Variants in CUEDC1 observed in about 807,000 individuals in gnomAD.
CUEDC1 encodes the protein CUE domain containing 1, also known as CUE domain-containing protein 1.
In CUEDC1, 30 loss-of-function variants were observed where a neutral mutation model predicts 43.7. The observed-to-expected ratio is 0.69, with a 90% confidence interval of 0.51 to 0.93. The LOEUF is 0.93. Ranked by LOEUF, CUEDC1 falls within the 40% of genes least tolerant of loss-of-function variation. The probability of loss-of-function intolerance (pLI) is 0.00; values close to 1 mark genes in which losing one functional copy is unlikely to be tolerated. For synonymous variants in CUEDC1, 223 were observed against 223.6 expected (o/e 1.00, Z 0.02); for missense variants, 486 against 549.0 (o/e 0.89, Z 1.15).
At chr17:57,928,649 C>A (rs1015810172) in intron 1 of CUEDC1, among the ~76,000 whole-genome samples, 1 of 151,772 alleles carries the variant, frequency 6.6e-6, no homozygotes, top group Non-Finnish European at 1.5e-5. Flanking sequence ...GAGTCCTCTA[C>A]GTTTTCACGC....
chr17:57,899,883 C>T (rs1021793374), intron 1 of CUEDC1, among the ~76,000 whole-genome samples: 1 of 152,226 alleles, frequency 6.6e-6, no homozygotes, highest in Non-Finnish European at 1.5e-5. Flanking sequence ...ACAGCCCACC[C>T]TCCAAGCCAC....
chr17:57,946,439 C>G (rs1045558544), intron 1 of CUEDC1, among the ~76,000 whole-genome samples: 3 of 152,116 alleles, frequency 2.0e-5, no homozygotes, highest in African/African-American at 7.2e-5. Context: ...GTGAACCAAC[C>G]AGACTGGCCT....
chr17:57,877,695 T>A (rs1276877120), intron 3 of CUEDC1, among the ~76,000 whole-genome samples: 3 of 151,480 alleles, frequency 2.0e-5, no homozygotes, highest in East Asian at 1.9e-4. Flanking sequence ...GAGACCAGCC[T>A]GGCAACATGG....
rs1032656427 is a variant in CUEDC1 at position 57,862,424 on chromosome 17, G to A, written c.*865C>T. On this transcript the variant is annotated 3_prime_UTR_variant, in exon 11 of 11. Transcript: ENST00000577830. ...ACAGCAGGGCTTCCAGTCCAGCTGG[G>A]GAGTCAGAGCCCCTGTGAGCCCCTA... is the stretch of plus-strand genomic sequence containing the variant. 1.3e-5 allele frequency: 2 copies of A among 152,504 alleles called. No homozygotes were observed. The highest frequency in any genetic ancestry group is 4.8e-5 in the African/African-American group (2 of 41,454). 9.4% of individuals were successfully genotyped at this position (152,504 alleles called of 1,614,324 possible). A position where few individuals can be genotyped will look rare whatever the true frequency, so the allele number is the denominator to read the frequency against.
chr17:57,897,654 G>GAAAAA, intron 1 of CUEDC1, among the ~76,000 whole-genome samples: 1 of 109,604 alleles, frequency 9.1e-6, no homozygotes, highest in Admixed American at 1.1e-4. Context: ...TGGTCTCAAT[G>GAAAAA]AAAAAAAAAA....
chr17:57,868,991 CGATGA>C, intron 7 of CUEDC1, 126 bp downstream of exon 7: 1 of 869,604 alleles, frequency 1.1e-6, no homozygotes, highest in Non-Finnish European at 1.8e-6. Flanking sequence ...AGCCAGCCTG[CGATGA>C]AAATGTCACT....
chr17:57,877,653 G>A lies in CUEDC1; in HGVS notation c.464+1958C>T, dbSNP rs538461595. Among the ~76,000 whole-genome samples, 15 of 151,274 alleles carry A rather than the reference G, an allele frequency of 9.9e-5. No homozygotes were observed. In the East Asian group the frequency reaches 2.9e-3, roughly 29 times the overall value. Reference sequence around the variant, plus strand: ...TGCAATCCCAGCACTTTGAGAGGCCGAGGTGGGCGAATCACCTGAGATCAG... The same window carrying A: ...TGCAATCCCAGCACTTTGAGAGGCCAAGGTGGGCGAATCACCTGAGATCAG... On this transcript the variant is annotated intron_variant, in intron 3 of 10. Transcript: ENST00000577830.
intron 1 of CUEDC1, among the ~76,000 whole-genome samples, chr17:57,926,042 T>A (rs1386706630): frequency 6.6e-6 from 1 of 152,136 alleles, no homozygotes; most frequent in Non-Finnish European, 1.5e-5. Context: ...AGGGGCCCTG[T>A]GCCAGGAGAC....
Position 57,906,699 on chromosome 17 carries a change from G to A in CUEDC1, c.-315-20820C>T, listed in dbSNP as rs151031324. Among the ~76,000 whole-genome samples the A allele has an allele frequency of 1.8e-3, 276 of 152,288 alleles. 1 individual carries two copies. The highest frequency in any genetic ancestry group is 6.2e-3 in the African/African-American group (259 of 41,562). ...AGACACCATGAGTCAGGCCAGGTGC[G>A]GTGGCTCATGCCTGTAATCCCAGAA... On this transcript the variant is annotated intron_variant, in intron 1 of 10. Coordinates refer to ENST00000577830, the MANE Select transcript of CUEDC1 (RefSeq NM_001271875.2).
At chr17:57,910,919 C>A (rs893801056) in intron 1 of CUEDC1, among the ~76,000 whole-genome samples, 2 of 152,146 alleles carry the variant, frequency 1.3e-5, no homozygotes, top group African/African-American at 4.8e-5. Flanking sequence ...CACCACCAAT[C>A]CAGCTGAGAC....
chr17:57,911,760 G>T (rs997385459), intron 1 of CUEDC1, among the ~76,000 whole-genome samples: 1 of 152,098 alleles, frequency 6.6e-6, no homozygotes, highest in African/African-American at 2.4e-5. Context: ...GCCCTCTTCT[G>T]CCTCCCAAAC....
At chr17:57,905,768 T>G (rs1201396405) in intron 1 of CUEDC1, among the ~76,000 whole-genome samples, 1 of 152,144 alleles carries the variant, frequency 6.6e-6, no homozygotes, top group Non-Finnish European at 1.5e-5. Context: ...TGTCTGGATG[T>G]CCATGTGTAC....
At chr17:57,931,871 G>A (rs956854116) in intron 1 of CUEDC1, among the ~76,000 whole-genome samples, 19 of 151,794 alleles carry the variant, frequency 1.3e-4, no homozygotes, top group Non-Finnish European at 2.2e-4. Context: ...AAATCAAATC[G>A]TATTCTCCCA....
chr17:57,895,518 A>G (rs2074399366), intron 1 of CUEDC1, among the ~76,000 whole-genome samples: 1 of 152,186 alleles, frequency 6.6e-6, no homozygotes, highest in African/African-American at 2.4e-5. Context: ...TTCCCATCCT[A>G]CTGAAGTTGT....
chr17:57,867,453 G>A (rs1466924349), intron 8 of CUEDC1, 38 bp from the exon 9 acceptor site: 1 of 1,537,608 alleles, frequency 6.5e-7, no homozygotes, highest in Non-Finnish European at 8.8e-7. Flanking sequence ...CAGGGATGAG[G>A]GGACACTGCC....
intron 1 of CUEDC1, among the ~76,000 whole-genome samples, chr17:57,899,718 A>G (rs904282671): frequency 6.6e-6 from 1 of 152,066 alleles, no homozygotes; most frequent in African/African-American, 2.4e-5. Context: ...GGACACAGAC[A>G]ACACTTTAGG....
chr17:57,894,112 ACC>A (rs2074385013), intron 1 of CUEDC1, among the ~76,000 whole-genome samples: 1 of 152,098 alleles, frequency 6.6e-6, no homozygotes, highest in Non-Finnish European at 1.5e-5. Context: ...ACAAAACCAA[ACC>A]ATGAGGATTT....
At position 57,863,059 on chromosome 17, in the gene CUEDC1, T is replaced by C. The variant is rs547652219; in HGVS notation, c.*230A>G. On this transcript the variant is annotated 3_prime_UTR_variant, in exon 11 of 11. Transcript: ENST00000577830. ...AGGGGCTGTAATTGGCTGCTGCCTA[T>C]AGGGGCCCCAGGTCCTTCCTCCAAT... The C allele has an allele frequency of 2.6e-5, 4 of 152,442 alleles. No individual in the cohort carries two copies. The highest frequency in any genetic ancestry group is 1.5e-5 in the Non-Finnish European group (1 of 67,986). 9.4% of individuals were successfully genotyped at this position (152,442 alleles called of 1,614,324 possible). A position where few individuals can be genotyped will look rare whatever the true frequency, so the allele number is the denominator to read the frequency against.
intron 1 of CUEDC1, among the ~76,000 whole-genome samples, chr17:57,917,996 C>T (rs1420169505): frequency 6.6e-6 from 1 of 150,776 alleles, no homozygotes; most frequent in Non-Finnish European, 1.5e-5. Context: ...AAGGTGGCAT[C>T]GTTAGAGTGT....
Sources: gnomAD v4.1 joint callset for allele counts (sites outside exome capture counted in the v4.1 genomes callset) on GRCh38, gnomAD v4.1.1 for gene constraint, MANE v1.5 for transcripts, NCBI Gene and HGNC (gene_info 2026-07-23, HGNC 2026-07-21) for gene names.